The following SLC6A8 variants were observed in gnomAD, a reference collection of about 807,000 sequenced individuals.
SLC6A8 encodes solute carrier family 6 member 8, also known as sodium- and chloride-dependent creatine transporter 1.
Under a neutral mutation model 48.3 loss-of-function variants are expected in SLC6A8, and 6 were observed. The observed-to-expected ratio is 0.12, with a 90% CI of 0.07 to 0.25. The LOEUF (loss-of-function observed/expected upper bound fraction) is 0.25, where lower values mean the gene tolerates loss of function less well. Among genes scored for constraint, SLC6A8 ranks in the 10% least tolerant of loss-of-function variants. SLC6A8 has a pLI of 1.00. For synonymous variants in SLC6A8, 245 were observed against 244.0 expected, an observed-to-expected ratio of 1.00 and a Z score of -0.04; for missense variants, 260 against 551.5, an observed-to-expected ratio of 0.47 and a Z score of 5.29.
At chrX:153,691,637 G>A in intron 3 of SLC6A8, 84 bp downstream of exon 3, 1 of 1,107,230 alleles carries the variant, frequency 9.0e-7, no homozygotes, top group Non-Finnish European at 1.2e-6. Context: ...TGGCCCTGAG[G>A]GGGCACCAGG....
chrX:153,692,717 C>G (rs782448387), intron 4 of SLC6A8: 6 of 387,615 alleles, frequency 1.5e-5, no homozygotes. Flanking sequence ...CCCACACCTG[C>G]ACTGCCCACA....
intron 7 of SLC6A8, 78 bp from the exon 8 acceptor site, chrX:153,693,827 A>C (rs1374389013): frequency 1.1e-6 from 1 of 892,043 alleles, no homozygotes; most frequent in Non-Finnish European, 1.6e-6. Flanking sequence ...CATGGGCGCG[A>C]GTGTTGCAGG....
intron 7 of SLC6A8, 80 bp from the exon 8 acceptor site, chrX:153,693,825 C>T (rs1286675682): frequency 6.8e-5 from 61 of 895,229 alleles, no homozygotes; most frequent in Non-Finnish European, 9.1e-5. Context: ...GGCATGGGCG[C>T]GAGTGTTGCA....
At chrX:153,694,489 A>G (rs1400507314) in intron 10 of SLC6A8, 43 bp downstream of exon 10, 1 of 1,186,491 alleles carries the variant, frequency 8.4e-7, no homozygotes, top group Non-Finnish European at 1.1e-6. Flanking sequence ...GGTGGCGGGG[A>G]AGGCAGGTCT....
rs1557046211 is a variant in SLC6A8 at position 153,696,426 on chromosome X, C to T, written c.*1212C>T. On this transcript the variant is annotated 3_prime_UTR_variant, in exon 13 of 13. Transcript: ENST00000253122. ...AGCTTTAACCCACGTTTGTCTGTCA[C>T]GTCCAGTCCCGAGACGGCTGAGTGA... 2.7e-5 allele frequency: 9 copies of T among 330,414 alleles called. No homozygotes were observed. Among genetic ancestry groups the T allele is most frequent in the Non-Finnish European group, 4.7e-5 (8 of 169,884 alleles). The allele number at this position is 330,414 out of a possible 1,213,427, so 27.2% of individuals were successfully genotyped here.
chrX:153,695,194 G>A lies in SLC6A8; in HGVS notation c.1888G>A (p.Val630Met), dbSNP rs373570632. Residue 630 changes from valine (V) to methionine (M), a missense_variant, in exon 13 of 13, where the codon GTG (valine) becomes ATG (methionine). Coordinates refer to ENST00000253122, the MANE Select transcript of SLC6A8 (RefSeq NM_005629.4). ...TPVSESSKVV[V>M]VESVM is the part of the protein sequence containing the mutation. Reference sequence around the variant, plus strand: ...AGTGTCCGAGAGCAGCAAGGTCGTCGTGGTGGAGAGTGTCATGTGACAACT... The same window carrying A: ...AGTGTCCGAGAGCAGCAAGGTCGTCATGGTGGAGAGTGTCATGTGACAACT... 2.1e-5 allele frequency: 25 copies of A among 1,183,721 alleles called. No homozygotes were observed. Among genetic ancestry groups the A allele is most frequent in the Admixed American group, 7.0e-5 (3 of 42,832 alleles).
chrX:153,691,287 G>A lies in SLC6A8; in HGVS notation c.395-17G>A. 4 of 1,181,896 alleles carry A rather than the reference G, an allele frequency of 3.4e-6. No individual in the cohort carries two copies. Among genetic ancestry groups the A allele is most frequent in the South Asian group, 1.8e-5 (1 of 54,300 alleles). ...GGCCAGGGAAGAATCTACATGGCAA[G>A]GACTTCCCGGCCCCAGGCCTGGGCT... On this transcript the variant is annotated splice_polypyrimidine_tract_variant and intron_variant, in intron 2 of 12. Transcript: ENST00000253122.
At position 153,696,235 on chromosome X, in the gene SLC6A8, G is replaced by C. The variant is rs1306491297; in HGVS notation, c.*1021G>C. 8 of 280,091 alleles carry C rather than the reference G, an allele frequency of 2.9e-5. No homozygotes were observed. Among genetic ancestry groups the C allele is most frequent in the Non-Finnish European group, 4.9e-5 (7 of 143,227 alleles). 23.1% of individuals were successfully genotyped at this position (280,091 alleles called of 1,213,427 possible). On this transcript the variant is annotated 3_prime_UTR_variant, in exon 13 of 13. Transcript: ENST00000253122. ...CTGTCCCTTTGCCACAAGTCTGTGG[G>C]GCAAGAGGCTGCAATATTCCGTCCT...
intron 4 of SLC6A8, 144 bp from the exon 5 acceptor site, chrX:153,692,897 C>T: frequency 1.2e-6 from 1 of 819,251 alleles, no homozygotes; most frequent in Non-Finnish European, 1.8e-6. Flanking sequence ...AGCCTTGCCC[C>T]TAGCTTCCTC....
rs1179934845 is a variant in SLC6A8 at position 153,696,378 on chromosome X, G to C, written c.*1164G>C. ...CAGGCTTAAGGTGGATGCACTTCCC[G>C]CACCTCCAGTCTTCTGTGTAGCAGC... On this transcript the variant is annotated 3_prime_UTR_variant, in exon 13 of 13. Coordinates refer to ENST00000253122, the MANE Select transcript of SLC6A8 (RefSeq NM_005629.4). 4 of 331,327 alleles carry C rather than the reference G, an allele frequency of 1.2e-5. No individual in the cohort carries two copies. Among genetic ancestry groups the C allele is most frequent in the East Asian group, 9.7e-5 (1 of 10,322 alleles). 27.3% of individuals were successfully genotyped at this position (331,327 alleles called of 1,213,427 possible).
intron 10 of SLC6A8, 28 bp downstream of exon 10, chrX:153,694,474 G>A (rs782598864): frequency 5.0e-6 from 6 of 1,196,947 alleles, no homozygotes; most frequent in South Asian, 1.8e-5. Flanking sequence ...GCTGGGCTGG[G>A]GGATGGTGGC....
chrX:153,696,298 C>T lies in SLC6A8; in HGVS notation c.*1084C>T, dbSNP rs1209657249. 3 of 320,647 alleles carry T rather than the reference C, an allele frequency of 9.4e-6. No individual in the cohort carries two copies. Among genetic ancestry groups the T allele is most frequent in the Admixed American group, 3.1e-5 (1 of 31,764 alleles). The allele number at this position is 320,647 out of a possible 1,213,427, so 26.4% of individuals were successfully genotyped here. A position where few individuals can be genotyped will look rare whatever the true frequency, so the allele number is the denominator to read the frequency against. Reference sequence around the variant, plus strand: ...TGCTAACCTGGCCTGCTCAGGCTTCCCACCCTGTGCGGGGCACACCCCCAG... The same window carrying T: ...TGCTAACCTGGCCTGCTCAGGCTTCTCACCCTGTGCGGGGCACACCCCCAG... On this transcript the variant is annotated 3_prime_UTR_variant, in exon 13 of 13. Coordinates refer to ENST00000253122, the MANE Select transcript of SLC6A8 (RefSeq NM_005629.4).
chrX:153,690,906 C>G, intron 2 of SLC6A8: 1 of 228,282 alleles, frequency 4.4e-6, no homozygotes, highest in East Asian at 1.0e-4. Flanking sequence ...CCCCCCCCCA[C>G]CACCACCATC....
chrX:153,691,763 T>G (rs1557044523), intron 3 of SLC6A8, among the ~76,000 whole-genome samples: 1 of 112,676 alleles, frequency 8.9e-6, no homozygotes, highest in Admixed American at 9.3e-5. Flanking sequence ...CACTCCCCCC[T>G]GATGGGGGAG....
chrX:153,693,399 T>TCCTGCCCTGC, intron 6 of SLC6A8, 33 bp downstream of exon 6: 1 of 1,207,139 alleles, frequency 8.3e-7, no homozygotes, highest in Non-Finnish European at 1.1e-6. Context: ...CCGTGCCCTG[T>TCCTGCCCTGC]CCTGCCCTGC....
At position 153,694,772 on chromosome X, in the gene SLC6A8, C is replaced by T. The variant is rs781811330; in HGVS notation, c.1650C>T (p.Thr550=). Residue 550 remains threonine (T), a synonymous_variant, in exon 12 of 13, where the codon ACC becomes ACT. Transcript: ENST00000253122. ...ACGAGCCGCTGGTCTACAACAACAC[C>T]TACGTGTACCCGTGGTGGGGTGAGG... ...VYYEPLVYNN[T]YVYPWWGEAM... 8.3e-7 allele frequency: 1 copy of T among 1,210,481 alleles called. No homozygotes were observed. The highest frequency in any genetic ancestry group is 3.0e-5 in the East Asian group (1 of 33,845).
At chrX:153,692,430 G>C (rs1557044671) in intron 4 of SLC6A8, 2 of 365,879 alleles carry the variant, frequency 5.5e-6, no homozygotes, top group Non-Finnish European at 1.0e-5. Context: ...TGGGGACCCA[G>C]AGCAGAGTCT....
chrX:153,691,552 G>A lies in SLC6A8; in HGVS notation c.643G>A (p.Glu215Lys). 1 of 1,211,516 alleles carries A rather than the reference G, an allele frequency of 8.3e-7. No individual in the cohort carries two copies. The highest frequency in any genetic ancestry group is 1.1e-6 in the Non-Finnish European group (1 of 895,380). The change falls in exon 3 of 13, where the codon GAG becomes AAG. Residue 215 changes from glutamate to lysine, a missense_variant and splice_region_variant. Around this residue, in one of 7 missense-constraint regions of SLC6A8, gnomAD observed 75 missense variants for 248.8 expected, o/e 0.30. Transcript: ENST00000253122. The part of the protein sequence containing the change: ...DRRSPVIEFW[E>K]NKVLRLSGGL... ...CCGGTCCCCTGTCATCGAGTTCTGG[G>A]AGTGAGTCCGGCACCTCTGGGCCAA...
rs2091491629 is a variant in SLC6A8, at chrX:153,696,288, C to T, written c.*1074C>T. On this transcript the variant is annotated 3_prime_UTR_variant, in exon 13 of 13. Transcript: ENST00000253122. ...GTGTCTGGGCTGCTAACCTGGCCTGCTCAGGCTTCCCACCCTGTGCGGGGC... is the reference window on the plus strand; with the variant it reads ...GTGTCTGGGCTGCTAACCTGGCCTGTTCAGGCTTCCCACCCTGTGCGGGGC... 1 of 314,150 alleles carries T rather than the reference C, an allele frequency of 3.2e-6. No homozygotes were observed. Among genetic ancestry groups the T allele is most frequent in the Non-Finnish European group, 6.2e-6 (1 of 160,222 alleles). The allele number at this position is 314,150 out of a possible 1,213,427, so 25.9% of individuals were successfully genotyped here.
Sources: allele counts gnomAD v4.1 joint callset (sites outside exome capture counted in the v4.1 genomes callset), GRCh38; gene constraint gnomAD v4.1.1; regional missense constraint gnomAD v4.1.1; transcripts MANE v1.5; gene names NCBI Gene and HGNC (gene_info 2026-07-23, HGNC 2026-07-21).